The following CNTN5 variants were observed in gnomAD, a reference collection of about 807,000 sequenced individuals.
CNTN5 encodes the protein contactin 5.
A neutral mutation model predicts 129.1 loss-of-function variants in CNTN5; 77 were observed. The ratio of observed to expected loss-of-function variants is 0.60; its 90% CI spans 0.50 to 0.72. CNTN5 has a LOEUF of 0.72. CNTN5 is among the 30% of genes least tolerant of loss of function. CNTN5 has a pLI of 0.00. For synonymous variants in CNTN5, 509 were observed against 465.6 expected (o/e 1.09, Z -1.20); for missense variants, 1,478 against 1,328.8 (o/e 1.11, Z -1.75).
At chr11:99,637,355 A>G (rs1410777593) in intron 3 of CNTN5, among the ~76,000 whole-genome samples, 1 of 152,162 alleles carries the variant, frequency 6.6e-6, no homozygotes, top group Non-Finnish European at 1.5e-5. Flanking sequence ...TCATGATATC[A>G]AAGGAAAAAA....
intron 3 of CNTN5, among the ~76,000 whole-genome samples, chr11:99,635,791 C>T (rs762658605): frequency 5.9e-5 from 9 of 151,952 alleles, no homozygotes; most frequent in Non-Finnish European, 1.3e-4. Flanking sequence ...AGTTTTGTTA[C>T]TATTTTCAAG....
chr11:99,106,739 A>C (rs955380530), intron 1 of CNTN5, among the ~76,000 whole-genome samples: 1 of 152,094 alleles, frequency 6.6e-6, no homozygotes, highest in Non-Finnish European at 1.5e-5. Context: ...AACTAATATC[A>C]GTATTACTAG....
At chr11:99,894,089 C>T (rs1183153495) in intron 6 of CNTN5, among the ~76,000 whole-genome samples, 2 of 152,062 alleles carry the variant, frequency 1.3e-5, no homozygotes, top group African/African-American at 4.8e-5. Flanking sequence ...ATTATCTCTT[C>T]CTGCTGTTGC....
intron 3 of CNTN5, among the ~76,000 whole-genome samples, chr11:99,670,938 A>G (rs1000331884): frequency 6.6e-6 from 1 of 152,174 alleles, no homozygotes; most frequent in Admixed American, 6.5e-5. Context: ...GGCACTATGT[A>G]ATTATCGATA....
intron 3 of CNTN5, among the ~76,000 whole-genome samples, chr11:99,730,547 AG>A (rs1943496719): frequency 6.6e-6 from 1 of 152,226 alleles, no homozygotes; most frequent in Non-Finnish European, 1.5e-5. Flanking sequence ...TACTTGTAGA[AG>A]CAAGTTTATG....
At chr11:99,636,759 A>C (rs542353798) in intron 3 of CNTN5, among the ~76,000 whole-genome samples, 1 of 135,982 alleles carries the variant, frequency 7.4e-6, no homozygotes, top group South Asian at 2.4e-4. Context: ...TCATACCTGT[A>C]ATCTCAGCAC....
rs114934097 is a variant in CNTN5 at position 99,608,649 on chromosome 11, C to G, written c.55+52380C>G. The stretch of plus-strand genomic sequence containing the variant: ...CAAGCCAAGTAGAGAGACCCCAGAT[C>G]AGATTTTATCCTCAGAGCCTCCAGA... On this transcript the variant is annotated intron_variant, in intron 3 of 24. Transcript: ENST00000524871. Among the ~76,000 whole-genome samples, 509 of 152,224 alleles carry G rather than the reference C, an allele frequency of 3.3e-3. 6 individuals are homozygous for G. The highest frequency in any genetic ancestry group is 0.012 in the African/African-American group (490 of 41,530).
At chr11:99,151,450 A>G (rs987516484) in intron 1 of CNTN5, among the ~76,000 whole-genome samples, 1 of 152,206 alleles carries the variant, frequency 6.6e-6, no homozygotes, top group Non-Finnish European at 1.5e-5. Context: ...CTTGATAACA[A>G]AAATCCTTTT....
At position 100,356,359 on chromosome 11, in the gene CNTN5, A is replaced by G. The variant is rs1430346381; in HGVS notation, c.*139A>G. 4.7e-6 allele frequency: 3 copies of G among 643,110 alleles called. No individual in the cohort carries two copies. The highest frequency in any genetic ancestry group is 2.7e-5 in the East Asian group (1 of 36,618). The allele number at this position is 643,110 out of a possible 1,614,324, so 39.8% of individuals were successfully genotyped here. On this transcript the variant is annotated 3_prime_UTR_variant, in exon 25 of 25. Transcript: ENST00000524871. ...GGACTATACATGGTGAACTTACAGG[A>G]GGTTAGGGGGGAAATATTACTTATC...
intron 2 of CNTN5, among the ~76,000 whole-genome samples, chr11:99,368,976 T>G (rs548351964): frequency 6.6e-6 from 1 of 151,736 alleles, no homozygotes; most frequent in African/African-American, 2.4e-5. Flanking sequence ...TAATCCACAA[T>G]TGGCAAAAGT....
chr11:99,580,042 G>GT (rs1408753586), intron 3 of CNTN5, among the ~76,000 whole-genome samples: 1 of 150,252 alleles, frequency 6.7e-6, no homozygotes, highest in Non-Finnish European at 1.5e-5. Context: ...TAGCATGAAG[G>GT]TTGTTGAATT....
chr11:99,437,846 A>T (rs1009221933), intron 2 of CNTN5, among the ~76,000 whole-genome samples: 16 of 152,306 alleles, frequency 1.1e-4, no homozygotes, highest in Non-Finnish European at 2.2e-4. Flanking sequence ...AAACAAAAAA[A>T]GTAATTAATT....
chr11:99,173,937 A>G (rs1857648743), intron 1 of CNTN5, among the ~76,000 whole-genome samples: 1 of 152,142 alleles, frequency 6.6e-6, no homozygotes, highest in African/African-American at 2.4e-5. Flanking sequence ...AGGAGGTTAA[A>G]TCTATAGAAC....
At chr11:99,750,546 T>TAA (rs148259432) in intron 3 of CNTN5, among the ~76,000 whole-genome samples, 29,475 of 142,350 alleles carry the variant, frequency 0.21, 3,668 homozygotes, top group East Asian at 0.64. Flanking sequence ...GAGTGGTAGC[T>TAA]AAAAAAAAAA....
chr11:99,657,401 A>G (rs1409399092), intron 3 of CNTN5, among the ~76,000 whole-genome samples: 1 of 152,070 alleles, frequency 6.6e-6, no homozygotes, highest in Admixed American at 6.6e-5. Context: ...AAGGACCGGA[A>G]GTACACATTG....
intron 2 of CNTN5, among the ~76,000 whole-genome samples, chr11:99,350,400 G>A (rs865978126): frequency 1.5e-4 from 23 of 152,000 alleles, no homozygotes; most frequent in Admixed American, 3.9e-4. Context: ...AACTTTGTGC[G>A]TTTACTTATA....
intron 9 of CNTN5, among the ~76,000 whole-genome samples, chr11:100,059,538 A>G (rs1943375805): frequency 6.7e-6 from 1 of 149,930 alleles, no homozygotes; most frequent in African/African-American, 2.5e-5. Flanking sequence ...TAAAAAAAAC[A>G]TAAGCAAACA....
At chr11:99,135,199 CAG>C (rs1213480047) in intron 1 of CNTN5, among the ~76,000 whole-genome samples, 1 of 151,994 alleles carries the variant, frequency 6.6e-6, no homozygotes, top group African/African-American at 2.4e-5. Context: ...AGCAGAAAGA[CAG>C]AATATGAGGA....
At chr11:99,937,542 T>C (rs984976948) in intron 7 of CNTN5, among the ~76,000 whole-genome samples, 5 of 152,164 alleles carry the variant, frequency 3.3e-5, no homozygotes, top group Admixed American at 6.6e-5. Flanking sequence ...ATGTGTGTGC[T>C]CAGGCTGCGG....
Sources: allele counts gnomAD v4.1 joint callset (sites outside exome capture counted in the v4.1 genomes callset), GRCh38; gene constraint gnomAD v4.1.1; transcripts MANE v1.5; gene names NCBI Gene and HGNC (gene_info 2026-07-23, HGNC 2026-07-21).